AGMO: variants seen among roughly 807,000 people sequenced by gnomAD.
The protein encoded by AGMO is glyceryl-ether monooxygenase.
In AGMO, 75 loss-of-function variants were observed where a neutral mutation model predicts 60.2. The observed-to-expected ratio is 1.25, with a 90% confidence interval of 1.03 to 1.51. The LOEUF (loss-of-function observed/expected upper bound fraction) is 1.51. AGMO is among the 40% of genes most tolerant of loss of function. The pLI, the probability that AGMO is intolerant of heterozygous loss-of-function variation, is 0.00. For missense variants in AGMO, 763 were observed against 525.5 expected (o/e 1.45, Z -4.42); for synonymous variants, 261 against 177.1 (o/e 1.47, Z -3.76).
intron 12 of AGMO, among the ~76,000 whole-genome samples, chr7:15,298,922 A>G (rs1272371529): frequency 2.0e-5 from 3 of 151,902 alleles, no homozygotes; most frequent in African/African-American, 7.3e-5. Flanking sequence ...ACAGTCAACT[A>G]TTTTCATTTA....
chr7:15,166,088 AG>A, the AGMO span, among the ~76,000 whole-genome samples: 2 of 152,194 alleles, frequency 1.3e-5, no homozygotes, highest in African/African-American at 4.8e-5. Context: ...ACATTCTTAT[AG>A]GAAGTGACAG....
intron 3 of AGMO, among the ~76,000 whole-genome samples, chr7:15,459,599 T>TTGTGTGTGTGTGTGTGTGTGTGTG (rs754526222): frequency 0.044 from 6,198 of 142,084 alleles, 289 homozygotes; most frequent in African/African-American, 0.067. Flanking sequence ...GTATGTGCGT[T>TTGTGTGTGTGTGTGTGTGTGTGTG]TGTGTGTGTG....
intron 3 of AGMO, among the ~76,000 whole-genome samples, chr7:15,437,328 CTT>C (rs1267919803): frequency 6.6e-6 from 1 of 151,980 alleles, no homozygotes; most frequent in African/African-American, 2.4e-5. Flanking sequence ...AAACTTTTGT[CTT>C]ATAATTTTTC....
intron 2 of AGMO, among the ~76,000 whole-genome samples, chr7:15,549,429 G>A (rs554583090): frequency 6.6e-6 from 1 of 152,200 alleles, no homozygotes; most frequent in Admixed American, 6.5e-5. Context: ...CCCATCTCAT[G>A]TGCAGAGACA....
chr7:15,547,226 C>T (rs1784806310), intron 2 of AGMO, among the ~76,000 whole-genome samples: 1 of 152,146 alleles, frequency 6.6e-6, no homozygotes, highest in South Asian at 2.1e-4. Flanking sequence ...CCAGATACTT[C>T]CAAGTGTTTC....
At chr7:15,366,490 T>A (rs1485121660) in intron 10 of AGMO, among the ~76,000 whole-genome samples, 1 of 152,030 alleles carries the variant, frequency 6.6e-6, no homozygotes, top group African/African-American at 2.4e-5. Context: ...TTTAAAGTTT[T>A]GACTTTTATA....
chr7:15,366,465 C>T (rs1782984574), intron 10 of AGMO, among the ~76,000 whole-genome samples: 2 of 152,026 alleles, frequency 1.3e-5, no homozygotes, highest in African/African-American at 2.4e-5. Context: ...TGTTCATCAT[C>T]ATTTAAAATT....
chr7:15,405,975 C>T (rs936464181), intron 5 of AGMO, among the ~76,000 whole-genome samples: 1 of 151,830 alleles, frequency 6.6e-6, no homozygotes, highest in Non-Finnish European at 1.5e-5. Flanking sequence ...TAATTTCCAT[C>T]ATGTTCCTTG....
intron 1 of AGMO, among the ~76,000 whole-genome samples, 162 bp downstream of exon 1, chr7:15,561,558 T>G (rs1007718879): frequency 2.0e-5 from 3 of 152,156 alleles, no homozygotes; most frequent in Non-Finnish European, 1.5e-5. Context: ...AAAATTCAAG[T>G]GGAAATTCTA....
chr7:15,185,034 T>C, the AGMO span, among the ~76,000 whole-genome samples: 4 of 152,168 alleles, frequency 2.6e-5, no homozygotes, highest in Non-Finnish European at 5.9e-5. Flanking sequence ...TATATAATGG[T>C]GGCACCGATA....
chr7:15,170,114 G>A, the AGMO span, among the ~76,000 whole-genome samples: 2 of 152,198 alleles, frequency 1.3e-5, no homozygotes, highest in African/African-American at 2.4e-5. Context: ...AGGTTGTCAT[G>A]TAATTAATGC....
chr7:15,232,043 G>GT (rs1782277755), intron 12 of AGMO, among the ~76,000 whole-genome samples: 2 of 152,198 alleles, frequency 1.3e-5, no homozygotes, highest in South Asian at 4.1e-4. Flanking sequence ...TCATATAATT[G>GT]TATCTGTTTT....
intron 12 of AGMO, among the ~76,000 whole-genome samples, chr7:15,302,723 T>A (rs1780480807): frequency 6.6e-6 from 1 of 152,144 alleles, no homozygotes; most frequent in Admixed American, 6.6e-5. Context: ...GAGAAGCCTT[T>A]TTGTTTTGTT....
At chr7:15,198,184 T>C (rs1781168301), downstream of AGMO, among the ~76,000 whole-genome samples, 1 of 142,296 alleles carries the variant, frequency 7.0e-6, no homozygotes, top group African/African-American at 2.6e-5. Context: ...AGTCCTATTT[T>C]TAGGGCTTTC....
the AGMO span, among the ~76,000 whole-genome samples, chr7:15,118,597 T>A: frequency 6.6e-6 from 1 of 152,102 alleles, no homozygotes; most frequent in Non-Finnish European, 1.5e-5. Flanking sequence ...TTCTAATATC[T>A]TCCGTGTAGG....
intron 10 of AGMO, among the ~76,000 whole-genome samples, chr7:15,383,499 C>T (rs1783778409): frequency 6.6e-6 from 1 of 151,946 alleles, no homozygotes; most frequent in Admixed American, 6.6e-5. Flanking sequence ...ACCTCCTTTC[C>T]TTATAATTAA....
At chr7:15,339,814 GAT>G (rs1382887713) in intron 12 of AGMO, among the ~76,000 whole-genome samples, 2 of 152,114 alleles carry the variant, frequency 1.3e-5, no homozygotes, top group East Asian at 3.8e-4. Context: ...ATGAAAGCAT[GAT>G]ATTTCTAAAA....
At chr7:15,345,452 T>C (rs948023310) in intron 12 of AGMO, among the ~76,000 whole-genome samples, 28 of 152,212 alleles carry the variant, frequency 1.8e-4, no homozygotes, top group African/African-American at 6.8e-4. Flanking sequence ...GGAAATCTTA[T>C]CACATGCCAC....
intron 12 of AGMO, among the ~76,000 whole-genome samples, chr7:15,229,729 TTATATATTATA>T (rs1563045083): frequency 3.0e-5 from 4 of 135,170 alleles, no homozygotes; most frequent in Non-Finnish European, 3.1e-5. Flanking sequence ...TATATATAAA[TTATATATTATA>T]ATATATATAA....
Sources: gnomAD v4.1 joint callset for allele counts (sites outside exome capture counted in the v4.1 genomes callset) on GRCh38, gnomAD v4.1.1 for gene constraint, MANE v1.5 for transcripts, NCBI Gene and HGNC (gene_info 2026-07-23, HGNC 2026-07-21) for gene names.